SORCS2: variants seen among roughly 807,000 people sequenced by gnomAD.
The protein encoded by SORCS2 is VPS10 domain-containing receptor SorCS2.
Under a neutral mutation model 141.6 loss-of-function variants are expected in SORCS2, and 100 were observed. The observed-to-expected ratio is 0.71, with a 90% CI of 0.60 to 0.83. The LOEUF is 0.83. SORCS2 is among the 40% of genes least tolerant of loss of function. SORCS2 has a pLI of 0.00. For synonymous variants in SORCS2, 789 were observed against 676.9 expected (o/e 1.17, Z -2.57); for missense variants, 1,646 against 1,560.2 (o/e 1.05, Z -0.93).
At chr4:7,303,884 G>C (rs951415385) in intron 1 of SORCS2, among the ~76,000 whole-genome samples, 6 of 152,264 alleles carry the variant, frequency 3.9e-5, no homozygotes, top group Admixed American at 3.9e-4. Context: ...TGAGAGTGTG[G>C]GGAGAGAAAG....
At position 7,192,848 on chromosome 4, in the gene SORCS2, CCGCGGAGCCCTCCCGCGGGGCG is replaced by C. The variant is rs1313735268; in HGVS notation, c.213_234del (p.Pro72ValfsTer83). 6 of 1,047,660 alleles carry C rather than the reference CCGCGGAGCCCTCCCGCGGGGCG, an allele frequency of 5.7e-6. No homozygotes were observed. Among genetic ancestry groups the C allele is most frequent in the African/African-American group, 1.7e-5 (1 of 58,204 alleles). The allele number at this position is 1,047,660 out of a possible 1,614,324, so 64.9% of individuals were successfully genotyped here. A position where few individuals can be genotyped will look rare whatever the true frequency, so the allele number is the denominator to read the frequency against. ...TCCTCACGCCCAACTGACCCGGGTG[CCGCGGAGCCCTCCCGCGGGGCG>C]CGCGGAGCCCGGTGGCGGCGAGGAC... On this transcript the variant is annotated frameshift_variant, in exon 1 of 27. Transcript: ENST00000507866. LOFTEE classifies it high-confidence loss of function. This position sits in a 1 kb window ranked among gnomAD's most constrained non-coding sequence, Gnocchi z 4.0.
At chr4:7,225,505 C>G (rs1728939171) in intron 1 of SORCS2, among the ~76,000 whole-genome samples, 1 of 152,240 alleles carries the variant, frequency 6.6e-6, no homozygotes, top group South Asian at 2.1e-4. Context: ...TTGTTCTGAA[C>G]CAGCATGGCA....
At chr4:7,261,700 C>T (rs888272627) in intron 1 of SORCS2, among the ~76,000 whole-genome samples, 1 of 152,212 alleles carries the variant, frequency 6.6e-6, no homozygotes, top group Non-Finnish European at 1.5e-5. Context: ...GGCAAGCTGC[C>T]TGAGGCACTG....
At chr4:7,198,451 C>T (rs541103649) in intron 1 of SORCS2, among the ~76,000 whole-genome samples, 6 of 152,118 alleles carry the variant, frequency 3.9e-5, no homozygotes, top group Non-Finnish European at 7.4e-5. Flanking sequence ...ACTTGCTGTG[C>T]GTTACTCTGG....
chr4:7,412,101 A>C (rs1374262369), intron 2 of SORCS2, among the ~76,000 whole-genome samples: 4 of 152,026 alleles, frequency 2.6e-5, no homozygotes. Context: ...TGGTAGGGAC[A>C]CTCTGCCCCT....
At chr4:7,588,117 G>A (rs1716662948) in intron 3 of SORCS2, among the ~76,000 whole-genome samples, 1 of 152,142 alleles carries the variant, frequency 6.6e-6, no homozygotes, top group Admixed American at 6.5e-5. Flanking sequence ...GAGAAACGCC[G>A]CCCATCTGGG....
chr4:7,441,539 A>G (rs1168304646), intron 2 of SORCS2, among the ~76,000 whole-genome samples: 1 of 151,926 alleles, frequency 6.6e-6, no homozygotes, highest in Non-Finnish European at 1.5e-5. Context: ...CGCCCTTGCC[A>G]TAACCCCTTT....
chr4:7,592,095 T>C (rs1026109538), intron 3 of SORCS2, among the ~76,000 whole-genome samples: 1 of 152,170 alleles, frequency 6.6e-6, no homozygotes, highest in African/African-American at 2.4e-5. Context: ...GCTTCTCCCC[T>C]TTATACTTGA....
chr4:7,434,301 T>C, intron 2 of SORCS2: 1 of 1,611,790 alleles, frequency 6.2e-7, no homozygotes, highest in Non-Finnish European at 8.5e-7. Context: ...CCTCCTGGAG[T>C]CGGGAGACCT....
intron 14 of SORCS2, among the ~76,000 whole-genome samples, chr4:7,711,961 C>T (rs1030402526): frequency 9.9e-5 from 15 of 152,118 alleles, no homozygotes; most frequent in African/African-American, 3.6e-4. Flanking sequence ...GGCTGAGGGT[C>T]CTCAGCCACA....
At chr4:7,501,198 C>T (rs75205731) in intron 2 of SORCS2, among the ~76,000 whole-genome samples, 1 of 152,364 alleles carries the variant, frequency 6.6e-6, no homozygotes, top group African/African-American at 2.4e-5. Flanking sequence ...AGTGTCCGCC[C>T]CACAGCCCTG....
At chr4:7,572,050 G>T (rs957155836) in intron 3 of SORCS2, among the ~76,000 whole-genome samples, 4 of 152,162 alleles carry the variant, frequency 2.6e-5, no homozygotes, top group African/African-American at 9.7e-5. Flanking sequence ...GGCAGCTGCT[G>T]GGTTTGATCA....
At chr4:7,433,876 T>A (rs1323758877) in intron 2 of SORCS2, 1 of 1,613,744 alleles carries the variant, frequency 6.2e-7, no homozygotes, top group African/African-American at 1.3e-5. Flanking sequence ...GATGATGCAC[T>A]CCTTCGTGAT....
chr4:7,304,568 C>T (rs563845442), intron 1 of SORCS2, among the ~76,000 whole-genome samples: 4 of 152,350 alleles, frequency 2.6e-5, no homozygotes, highest in African/African-American at 7.2e-5. Flanking sequence ...AGCCAGGTAG[C>T]GTTCATGAGC....
intron 11 of SORCS2, among the ~76,000 whole-genome samples, chr4:7,692,492 C>T (rs1049061015): frequency 6.6e-6 from 1 of 152,200 alleles, no homozygotes; most frequent in Non-Finnish European, 1.5e-5. Flanking sequence ...TGGCAGGAAA[C>T]CTTCAAGGCA....
At chr4:7,283,476 C>T (rs770843669) in intron 1 of SORCS2, among the ~76,000 whole-genome samples, 5 of 152,134 alleles carry the variant, frequency 3.3e-5, no homozygotes, top group African/African-American at 1.2e-4. Flanking sequence ...TGCTGCAGAG[C>T]CTCAGGGCGG....
intron 2 of SORCS2, among the ~76,000 whole-genome samples, chr4:7,520,038 C>T (rs1415469434): frequency 6.6e-6 from 1 of 152,232 alleles, no homozygotes; most frequent in Admixed American, 6.5e-5. Context: ...GGTGCCGGGT[C>T]AGCCTGGAGG....
chr4:7,454,164 G>T lies in SORCS2; in HGVS notation c.548+57809G>T, dbSNP rs188367481. 4.3e-3 allele frequency among the ~76,000 whole-genome samples: 605 copies of T among 140,626 alleles called. 6 individuals carry two copies. Among genetic ancestry groups the T allele is most frequent in the South Asian group, 9.5e-3 (38 of 4,002 alleles). The allele number at this position is 140,626 out of a possible 152,430, so 92.3% of individuals were successfully genotyped here. A position where few individuals can be genotyped will look rare whatever the true frequency, so the allele number is the denominator to read the frequency against. On this transcript the variant is annotated intron_variant, in intron 2 of 26. Transcript: ENST00000507866. Reference sequence around the variant, plus strand: ...GCTGTGTGTTGGGGTCAGGTGCTGTGTGTTGGGGTCAGGCGCTGTGTTGGG... The same window carrying T: ...GCTGTGTGTTGGGGTCAGGTGCTGTTTGTTGGGGTCAGGCGCTGTGTTGGG...
chr4:7,395,704 A>G (rs1724168408), intron 1 of SORCS2, among the ~76,000 whole-genome samples: 1 of 152,186 alleles, frequency 6.6e-6, no homozygotes, highest in Admixed American at 6.5e-5. Context: ...AATGGTCTCA[A>G]CAACAAGAAA....
Sources: allele counts gnomAD v4.1 joint callset (sites outside exome capture counted in the v4.1 genomes callset), GRCh38; gene constraint gnomAD v4.1.1; non-coding constraint Gnocchi (gnomAD v3.1); transcripts MANE v1.5; gene names NCBI Gene and HGNC (gene_info 2026-07-23, HGNC 2026-07-21).